The following ATP8A2 variants were observed in gnomAD, a reference collection of about 807,000 sequenced individuals.
ATP8A2 encodes ATPase phospholipid transporting 8A2.
In ATP8A2, 100 loss-of-function variants were observed where a neutral mutation model predicts 165.6. The ratio of observed to expected loss-of-function variants is 0.60; its 90% CI spans 0.51 to 0.71. ATP8A2 has a LOEUF of 0.71. Ranked by LOEUF, ATP8A2 falls within the 30% of genes least tolerant of loss-of-function variation. ATP8A2 has a pLI of 0.00. For missense variants in ATP8A2, 1,227 were observed against 1,479.5 expected (o/e 0.83, Z 2.80); for synonymous variants, 543 against 548.8 (o/e 0.99, Z 0.15).
chr13:25,864,855 A>G (rs1043954387), intron 33 of ATP8A2, among the ~76,000 whole-genome samples: 2 of 151,042 alleles, frequency 1.3e-5, no homozygotes, highest in Non-Finnish European at 3.0e-5. Flanking sequence ...GCCTTCCTCC[A>G]GGGCAGGGGG....
At chr13:25,843,630 C>G (rs187478475) in intron 30 of ATP8A2, among the ~76,000 whole-genome samples, 1 of 152,108 alleles carries the variant, frequency 6.6e-6, no homozygotes, top group African/African-American at 2.4e-5. Flanking sequence ...TCTTGGACTT[C>G]GCAGGCTCCA....
At chr13:25,992,399 G>T (rs117552861) in intron 35 of ATP8A2, among the ~76,000 whole-genome samples, 3,008 of 151,812 alleles carry the variant, frequency 0.02, 46 homozygotes, top group Middle Eastern at 0.041. Context: ...TTTCTAATGG[G>T]ATTCTTTGTT....
intron 1 of ATP8A2, among the ~76,000 whole-genome samples, chr13:25,453,357 C>T (rs1461632068): frequency 6.6e-6 from 1 of 151,896 alleles, no homozygotes; most frequent in Non-Finnish European, 1.5e-5. Context: ...AACTCCTGAC[C>T]TCAAGTGATC....
intron 33 of ATP8A2, among the ~76,000 whole-genome samples, chr13:25,944,273 G>A (rs1416793105): frequency 1.3e-5 from 2 of 152,248 alleles, no homozygotes; most frequent in Non-Finnish European, 2.9e-5. Context: ...TTGGGAGGCT[G>A]AGGTGGGCGG....
At chr13:25,930,267 T>G (rs1180760523) in intron 33 of ATP8A2, among the ~76,000 whole-genome samples, 1 of 152,210 alleles carries the variant, frequency 6.6e-6, no homozygotes, top group Non-Finnish European at 1.5e-5. Flanking sequence ...CCTTTAATGA[T>G]GTAGAATTAT....
At chr13:25,752,564 G>A (rs920963094) in intron 25 of ATP8A2, among the ~76,000 whole-genome samples, 3 of 152,180 alleles carry the variant, frequency 2.0e-5, no homozygotes, top group South Asian at 2.1e-4. Flanking sequence ...TGCAGTAGAT[G>A]TAAAATGTAT....
At chr13:25,903,697 C>T (rs998231238) in intron 33 of ATP8A2, among the ~76,000 whole-genome samples, 49 of 152,284 alleles carry the variant, frequency 3.2e-4, no homozygotes, top group African/African-American at 1.1e-3. Context: ...TCCCTTTGCC[C>T]TCAGCCCTCT....
intron 25 of ATP8A2, among the ~76,000 whole-genome samples, chr13:25,712,431 C>T (rs188751140): frequency 2.6e-5 from 4 of 152,216 alleles, no homozygotes; most frequent in South Asian, 2.1e-4. Context: ...CTCAGGACTA[C>T]GAGAAATGTT....
Position 25,458,223 on chromosome 13 carries a change from C to T in ATP8A2, c.77-10754C>T, listed in dbSNP as rs567709820. 1.3e-4 allele frequency among the ~76,000 whole-genome samples: 20 copies of T among 152,228 alleles called. No individual in the cohort carries two copies. In the East Asian group the frequency reaches 2.3e-3, roughly 18 times the overall value. On this transcript the variant is annotated intron_variant, in intron 1 of 36. Transcript: ENST00000381655. Reference sequence around the variant, plus strand: ...ATTAGGCAAGCCAGCCTTTTGTTTACGAGGAGACTTTGTAGACTAATTCTT... The same window carrying T: ...ATTAGGCAAGCCAGCCTTTTGTTTATGAGGAGACTTTGTAGACTAATTCTT...
chr13:25,716,087 T>A (rs1177750321), intron 25 of ATP8A2, among the ~76,000 whole-genome samples: 1 of 152,234 alleles, frequency 6.6e-6, no homozygotes, highest in East Asian at 1.9e-4. Context: ...GTTGAACAAC[T>A]TTTCATGTGT....
chr13:25,487,748 G>C (rs574699778), intron 2 of ATP8A2, among the ~76,000 whole-genome samples: 1 of 152,298 alleles, frequency 6.6e-6, no homozygotes, highest in East Asian at 1.9e-4. Context: ...ACCTGATTTT[G>C]AAGATTAATT....
rs137902817 is a variant in ATP8A2, at chr13:25,415,702, C to T, written c.76+43414C>T. Among the ~76,000 whole-genome samples the T allele has an allele frequency of 9.5e-3, 1,444 of 152,310 alleles. 19 individuals are homozygous for T. Among genetic ancestry groups the T allele is most frequent in the African/African-American group, 0.031 (1,277 of 41,564 alleles). ...AAAAGCAGTGAGCACATCCCTGTCT[C>T]GGTTCTGTCATTGGGTTTGTTTCCT... On this transcript the variant is annotated intron_variant, in intron 1 of 36. Coordinates refer to ENST00000381655, the MANE Select transcript of ATP8A2 (RefSeq NM_016529.6).
intron 27 of ATP8A2, among the ~76,000 whole-genome samples, chr13:25,778,732 C>A (rs546441803): frequency 1.3e-5 from 2 of 152,236 alleles, no homozygotes; most frequent in African/African-American, 4.8e-5. Flanking sequence ...TGATGAAATG[C>A]CCATCTCCGT....
At chr13:25,852,024 C>G (rs568792190) in intron 30 of ATP8A2, among the ~76,000 whole-genome samples, 120 of 152,174 alleles carry the variant, frequency 7.9e-4, no homozygotes, top group Non-Finnish European at 4.4e-5. Context: ...TATTGGTTCT[C>G]TCTCCTGATT....
At chr13:25,612,341 A>G (rs1214804943) in intron 24 of ATP8A2, among the ~76,000 whole-genome samples, 2 of 151,988 alleles carry the variant, frequency 1.3e-5, no homozygotes, top group Admixed American at 1.3e-4. Context: ...TACCACTGTT[A>G]TTATTCAGTT....
intron 23 of ATP8A2, among the ~76,000 whole-genome samples, chr13:25,582,475 G>A (rs150263943): frequency 0.012 from 1,754 of 152,272 alleles, 34 homozygotes; most frequent in African/African-American, 0.039. Flanking sequence ...AAAGGAGCAC[G>A]TTTTAAGTTT....
intron 25 of ATP8A2, among the ~76,000 whole-genome samples, chr13:25,739,226 A>T (rs2043854091): frequency 1.3e-5 from 2 of 152,206 alleles, no homozygotes; most frequent in South Asian, 4.1e-4. Context: ...GGCCCAGGGC[A>T]CCTTGGCGAT....
intron 27 of ATP8A2, among the ~76,000 whole-genome samples, chr13:25,812,740 C>T (rs926344742): frequency 4.6e-5 from 7 of 151,800 alleles, no homozygotes; most frequent in Middle Eastern, 3.2e-3. Flanking sequence ...GAATGGAAAA[C>T]GAGTTCAAGG....
chr13:25,685,512 T>C (rs2042582880), intron 24 of ATP8A2, among the ~76,000 whole-genome samples: 2 of 152,090 alleles, frequency 1.3e-5, no homozygotes, highest in Non-Finnish European at 2.9e-5. Flanking sequence ...ACATGGTACA[T>C]GCCCCAAGGG....
Sources: allele counts gnomAD v4.1 joint callset (sites outside exome capture counted in the v4.1 genomes callset), GRCh38; gene constraint gnomAD v4.1.1; transcripts MANE v1.5; gene names NCBI Gene and HGNC (gene_info 2026-07-23, HGNC 2026-07-21).